Variants in JPH2 observed in about 807,000 individuals in gnomAD.
The protein encoded by JPH2 is junctophilin 2, also known as junctophilin-2.
JPH2 carries 38 observed loss-of-function variants against 55.9 expected under a neutral mutation model. That is an observed-to-expected ratio of 0.68 (90% CI 0.52 to 0.89). JPH2 has a LOEUF of 0.89. Among genes scored for constraint, JPH2 ranks in the 40% least tolerant of loss-of-function variants. The pLI, the probability that JPH2 is intolerant of heterozygous loss-of-function variation, is 0.00. For synonymous variants in JPH2, 480 were observed against 472.4 expected (o/e 1.02, Z -0.21); for missense variants, 964 against 1,037.6 (o/e 0.93, Z 0.97).
At position 44,186,402 on chromosome 20, in the gene JPH2, T is replaced by C; in HGVS notation, c.304A>G (p.Ser102Gly). ...CAGGTGCCCTCATACTTGGCACCGC[T>C]GCTTGAGCTCTGCCGGATTCCGTAG... ...GRYGIRQSSS[S>G]GAKYEGTWNN... Residue 102 changes from serine (S) to glycine (G), a missense_variant, in exon 1 of 6, where the codon AGC (serine) becomes GGC (glycine). Coordinates refer to ENST00000372980, the MANE Select transcript of JPH2 (RefSeq NM_020433.5). 6.2e-7 allele frequency: 1 copy of C among 1,613,894 alleles called. No homozygotes were observed. The highest frequency in any genetic ancestry group is 2.2e-5 in the East Asian group (1 of 44,850).
At position 44,116,223 on chromosome 20, in the gene JPH2, G is replaced by T; in HGVS notation, c.1452C>A (p.Ser484=). The change falls in exon 4 of 6, where the codon TCC becomes TCA. Residue 484 remains serine (S), a synonymous_variant. Coordinates refer to ENST00000372980, the MANE Select transcript of JPH2 (RefSeq NM_020433.5). ...ERETPRPEGG[S]PSPAGTPPQP... is the part of the protein sequence containing the mutation. ...GCGGGGGCGTCCCGGCCGGTGACGG[G>T]GAGCCACCCTCGGGCCGAGGGGTCT... The T allele has an allele frequency of 7.1e-7, 1 of 1,401,192 alleles. No individual in the cohort carries two copies. 86.8% of individuals were successfully genotyped at this position (1,401,192 alleles called of 1,614,324 possible).
intron 3 of JPH2, 145 bp from the exon 4 acceptor site, chr20:44,116,531 G>C: frequency 1.1e-6 from 1 of 906,752 alleles, no homozygotes; most frequent in Non-Finnish European, 1.7e-6. Flanking sequence ...ACTGTTCCAA[G>C]CACTTTCCAA....
At chr20:44,162,367 G>A (rs2072617265) in intron 1 of JPH2, among the ~76,000 whole-genome samples, 1 of 152,068 alleles carries the variant, frequency 6.6e-6, no homozygotes, top group East Asian at 1.9e-4. Flanking sequence ...CCCTGTGATG[G>A]TTAATACTGA....
At chr20:44,154,657 G>A (rs1460873920) in intron 2 of JPH2, among the ~76,000 whole-genome samples, 2 of 152,186 alleles carry the variant, frequency 1.3e-5, no homozygotes, top group East Asian at 1.9e-4. Flanking sequence ...GAGAAAGCCC[G>A]GGCCTGCCTG....
chr20:44,118,387 T>A (rs1301360601), intron 3 of JPH2, 118 bp downstream of exon 3: 1 of 830,406 alleles, frequency 1.2e-6, no homozygotes, highest in East Asian at 2.4e-5. Context: ...ATGCCCCAGT[T>A]TCTGAGACTC....
At chr20:44,117,211 G>C (rs988769343) in intron 3 of JPH2, among the ~76,000 whole-genome samples, 1 of 152,174 alleles carries the variant, frequency 6.6e-6, no homozygotes, top group African/African-American at 2.4e-5. Flanking sequence ...CCAGGGAGTC[G>C]GAAGTTGCAG....
In JPH2 at chr20:44,107,911, A is replaced by G. The variant is rs1600824652; in HGVS notation, c.*5607T>C. ...ATTAACAGGAGTGTCTTTGTTATTC[A>G]TGGTGGGCTCCTGGGACCACAACTC... On this transcript the variant is annotated 3_prime_UTR_variant, in exon 6 of 6. Coordinates refer to ENST00000372980, the MANE Select transcript of JPH2 (RefSeq NM_020433.5). Among the ~76,000 whole-genome samples the G allele has an allele frequency of 1.3e-5, 2 of 152,186 alleles. No homozygotes were observed. The highest frequency in any genetic ancestry group is 4.1e-4 in the South Asian group (2 of 4,830).
At chr20:44,130,824 C>T (rs568605649) in intron 2 of JPH2, among the ~76,000 whole-genome samples, 2 of 152,176 alleles carry the variant, frequency 1.3e-5, no homozygotes, top group African/African-American at 4.8e-5. Context: ...ATTATTTTTT[C>T]GTTTTTTGGG....
chr20:44,177,680 T>C (rs2072746108), intron 1 of JPH2: 3 of 1,264,816 alleles, frequency 2.4e-6, no homozygotes, highest in Admixed American at 3.4e-5. Context: ...AATGGAATCA[T>C]GTCTGGCATG....
chr20:44,160,528 G>A lies in JPH2; in HGVS notation c.380-121C>T, dbSNP rs1005944157. On this transcript the variant is annotated intron_variant, in intron 1 of 5. Coordinates refer to ENST00000372980, the MANE Select transcript of JPH2 (RefSeq NM_020433.5). This position sits in a 1 kb window ranked among gnomAD's most constrained non-coding sequence, Gnocchi z 4.9. ...GGGTGGGACCGAGAGGCGCAAGGCC[G>A]TCTGAGGGTCAGGGTGCACAGTGCT... The A allele has an allele frequency of 9.2e-6, 9 of 979,350 alleles. No individual in the cohort carries two copies. The African/African-American group carries it at 1.3e-4, about 14-fold the overall frequency. The allele number at this position is 979,350 out of a possible 1,614,324, so 60.7% of individuals were successfully genotyped here. A position where few individuals can be genotyped will look rare whatever the true frequency, so the allele number is the denominator to read the frequency against.
intron 2 of JPH2, among the ~76,000 whole-genome samples, chr20:44,136,461 A>ACATCAC (rs1294296147): frequency 5.9e-5 from 9 of 151,800 alleles, no homozygotes; most frequent in Admixed American, 5.9e-4. Context: ...ATCAACATCA[A>ACATCAC]CATCACCATT....
chr20:44,165,666 C>G (rs1462447366), intron 1 of JPH2, among the ~76,000 whole-genome samples: 1 of 152,176 alleles, frequency 6.6e-6, no homozygotes, highest in African/African-American at 2.4e-5. Context: ...CCTCTCCCGC[C>G]ATCCTCCCCT....
At chr20:44,164,924 G>A (rs1279488649) in intron 1 of JPH2, among the ~76,000 whole-genome samples, 2 of 149,352 alleles carry the variant, frequency 1.3e-5, no homozygotes, top group East Asian at 2.0e-4. Flanking sequence ...TGCAACCTCC[G>A]CCTCCTGGGT....
At chr20:44,166,832 C>G (rs1018093989) in intron 1 of JPH2, among the ~76,000 whole-genome samples, 3 of 152,178 alleles carry the variant, frequency 2.0e-5, no homozygotes, top group Admixed American at 1.3e-4. Flanking sequence ...GGGCCTCCTC[C>G]GATACCCTTT....
At chr20:44,114,957 G>T in intron 4 of JPH2, 81 bp from the exon 5 acceptor site, 1 of 1,088,188 alleles carries the variant, frequency 9.2e-7, no homozygotes, top group Non-Finnish European at 1.4e-6. Flanking sequence ...AGGCTGGACA[G>T]AGCAGGAACT....
chr20:44,175,549 C>A (rs542049932), intron 1 of JPH2, among the ~76,000 whole-genome samples: 1 of 152,346 alleles, frequency 6.6e-6, no homozygotes, highest in Non-Finnish European at 1.5e-5. Context: ...CCTGGGATCA[C>A]CAACAGACAA....
chr20:44,116,029 T>C lies in JPH2; in HGVS notation c.1646A>G (p.Gln549Arg). 1.3e-6 allele frequency: 2 copies of C among 1,578,534 alleles called. No homozygotes were observed. Among genetic ancestry groups the C allele is most frequent in the South Asian group, 2.3e-5 (2 of 88,500 alleles). ...ATERMAIEAL[Q>R]APPAPSREPE... ...CTCCCGCGACGGCGCAGGCGGTGCC[T>C]GCAGAGCCTCGATGGCCATGCGCTC... is the stretch of plus-strand genomic sequence containing the variant. Residue 549 changes from glutamine (Q) to arginine (R), a missense_variant, in exon 4 of 6, where the codon CAG becomes CGG. Physicochemically the swap from Gln to Arg is conservative, Grantham distance 43. Transcript: ENST00000372980.
chr20:44,120,251 G>T (rs6031403), intron 2 of JPH2, among the ~76,000 whole-genome samples: 3 of 151,952 alleles, frequency 2.0e-5, no homozygotes, highest in African/African-American at 7.3e-5. Flanking sequence ...GTTAAGAAAT[G>T]TGAGCCCATA....
intron 2 of JPH2, among the ~76,000 whole-genome samples, chr20:44,125,621 A>G (rs947618789): frequency 5.9e-5 from 9 of 152,182 alleles, no homozygotes; most frequent in African/African-American, 1.4e-4. Flanking sequence ...TCGCAGCCCA[A>G]TGCAGCCCTG....
Sources: allele counts gnomAD v4.1 joint callset (sites outside exome capture counted in the v4.1 genomes callset), GRCh38; gene constraint gnomAD v4.1.1; non-coding constraint Gnocchi (gnomAD v3.1); transcripts MANE v1.5; gene names NCBI Gene and HGNC (gene_info 2026-07-23, HGNC 2026-07-21).